The following BRWD3 variants were observed in gnomAD, a reference collection of about 807,000 sequenced individuals.
The protein encoded by BRWD3 is bromodomain and WD repeat-containing protein 3.
A neutral mutation model predicts 149.7 loss-of-function variants in BRWD3; 10 were observed. The ratio of observed to expected loss-of-function variants is 0.07; its 90% CI spans 0.04 to 0.11. The LOEUF (loss-of-function observed/expected upper bound fraction) is 0.11. Among genes scored for constraint, BRWD3 ranks in the 10% least tolerant of loss-of-function variants. BRWD3 has a pLI of 1.00. For synonymous variants in BRWD3, 504 were observed against 456.7 expected (o/e 1.10, Z -1.32); for missense variants, 940 against 1,373.2 (o/e 0.68, Z 4.99).
At chrX:80,714,353 TCCCGAGTA>T (rs2147739941) in intron 20 of BRWD3, among the ~76,000 whole-genome samples, 1 of 105,943 alleles carries the variant, frequency 9.4e-6, no homozygotes, top group South Asian at 4.5e-4. Flanking sequence ...TGCCTCAGCC[TCCCGAGTA>T]GCTGGGATTA....
intron 27 of BRWD3, among the ~76,000 whole-genome samples, chrX:80,694,371 T>C (rs2072651710): frequency 8.9e-6 from 1 of 111,860 alleles, no homozygotes; most frequent in South Asian, 3.8e-4. Flanking sequence ...AAGGGAAATT[T>C]GGGGTTGGAG....
intron 19 of BRWD3, 138 bp from the exon 20 acceptor site, chrX:80,716,388 TTA>T (rs2073074292): frequency 4.0e-6 from 2 of 501,627 alleles, no homozygotes; most frequent in Non-Finnish European, 6.7e-6. Context: ...GTGGCATCAA[TTA>T]CATTCAGAAA....
Position 80,793,610 on chromosome X carries a change from T to C in BRWD3, c.331+12A>G, listed in dbSNP as rs376204666. On this transcript the variant is annotated intron_variant, in intron 5 of 40. Transcript: ENST00000373275. ...CCTCTGATATCACAGTCCTAAATTCTGAAAATCTCACCTTTGGCATCCCGT... is the reference window on the plus strand; with the variant it reads ...CCTCTGATATCACAGTCCTAAATTCCGAAAATCTCACCTTTGGCATCCCGT... 8.3e-7 allele frequency: 1 copy of C among 1,208,329 alleles called. No individual in the cohort carries two copies. The highest frequency in any genetic ancestry group is 1.1e-6 in the Non-Finnish European group (1 of 892,836).
At chrX:80,694,584 G>A (rs1334275568) in intron 27 of BRWD3, among the ~76,000 whole-genome samples, 2 of 111,771 alleles carry the variant, frequency 1.8e-5, no homozygotes, top group African/African-American at 6.5e-5. Context: ...CTGCCCAAGA[G>A]CATGGGAACT....
intron 4 of BRWD3, among the ~76,000 whole-genome samples, chrX:80,800,211 A>G (rs1325315493): frequency 1.9e-5 from 2 of 107,279 alleles, no homozygotes; most frequent in African/African-American, 6.8e-5. Context: ...ACAATTCTGC[A>G]TGGTAACTAG....
intron 24 of BRWD3, among the ~76,000 whole-genome samples, chrX:80,700,298 G>A (rs185422508): frequency 5.6e-5 from 6 of 106,270 alleles, no homozygotes; most frequent in Non-Finnish European, 9.7e-5. Context: ...CCTTCAATCA[G>A]CTTCATAAGT....
chrX:80,766,853 C>T (rs1163459642), intron 6 of BRWD3, among the ~76,000 whole-genome samples: 1 of 112,200 alleles, frequency 8.9e-6, no homozygotes, highest in Non-Finnish European at 1.9e-5. Flanking sequence ...TTTCCCTTTC[C>T]TAGCCAACGG....
chrX:80,748,775 G>A (rs2073627552), intron 6 of BRWD3, among the ~76,000 whole-genome samples: 1 of 110,918 alleles, frequency 9.0e-6, no homozygotes, highest in African/African-American at 3.3e-5. Flanking sequence ...CTTCTGCTAA[G>A]GTTGGGCATA....
chrX:80,678,803 T>G (rs2072404860), intron 40 of BRWD3, among the ~76,000 whole-genome samples: 1 of 111,175 alleles, frequency 9.0e-6, no homozygotes, highest in East Asian at 2.8e-4. Context: ...TAAGTCTGGG[T>G]GTTATGGACT....
intron 28 of BRWD3, among the ~76,000 whole-genome samples, chrX:80,692,662 T>C (rs1202145817): frequency 8.9e-6 from 1 of 112,249 alleles, no homozygotes; most frequent in Non-Finnish European, 1.9e-5. Flanking sequence ...AATTCTTGTC[T>C]AAAGTAGAAA....
intron 6 of BRWD3, among the ~76,000 whole-genome samples, chrX:80,777,823 A>T: frequency 1.8e-5 from 2 of 110,979 alleles, no homozygotes; most frequent in Non-Finnish European, 3.8e-5. Context: ...TTTAGTTTTT[A>T]ATTTTTTGGT....
intron 21 of BRWD3, 70 bp from the exon 22 acceptor site, chrX:80,707,573 C>T: frequency 9.8e-7 from 1 of 1,017,826 alleles, no homozygotes; most frequent in Non-Finnish European, 1.4e-6. Flanking sequence ...TAAAAAACCA[C>T]TACCTGTTTT....
rs6622366 is a variant in BRWD3, at chrX:80,792,453, T to C, written c.332-501A>G. On this transcript the variant is annotated intron_variant, in intron 5 of 40. Transcript: ENST00000373275. ...ATATCAGATGGTAACTGGTTATAAA[T>C]AGCTGTGTTTTTTTCTCTTTCATGT... 8.0e-3 allele frequency among the ~76,000 whole-genome samples: 892 copies of C among 112,166 alleles called. 17 individuals are homozygous for C. Among genetic ancestry groups the C allele is most frequent in the African/African-American group, 0.028 (856 of 30,903 alleles).
chrX:80,706,505 A>C (rs761446602), intron 22 of BRWD3, among the ~76,000 whole-genome samples: 1 of 111,899 alleles, frequency 8.9e-6, no homozygotes, highest in East Asian at 2.8e-4. Flanking sequence ...ACTAAGACAC[A>C]AACATTAGCC....
intron 22 of BRWD3, among the ~76,000 whole-genome samples, chrX:80,706,598 AC>A (rs1488225916): frequency 8.9e-6 from 1 of 112,274 alleles, no homozygotes; most frequent in African/African-American, 3.2e-5. Context: ...GTATTCAGAG[AC>A]AAAAACACAT....
intron 6 of BRWD3, among the ~76,000 whole-genome samples, chrX:80,784,396 T>A (rs1314286267): frequency 8.9e-6 from 1 of 112,115 alleles, no homozygotes; most frequent in Non-Finnish European, 1.9e-5. Context: ...CACTTTTTTT[T>A]ATTTTAAGTT....
Position 80,697,249 on chromosome X carries a change from G to A in BRWD3, c.2944-386C>T, listed in dbSNP as rs762827701. ...AAAAATACAGTATGTAAGCATCCAG[G>A]TATATATGTACGTGTACATGTTTGG... On this transcript the variant is annotated intron_variant, in intron 25 of 40. Transcript: ENST00000373275. 2.0e-4 allele frequency among the ~76,000 whole-genome samples: 22 copies of A among 111,590 alleles called. No individual in the cohort carries two copies. The South Asian group carries it at 7.5e-3, about 38-fold the overall frequency.
intron 6 of BRWD3, among the ~76,000 whole-genome samples, chrX:80,785,176 C>T (rs1379865194): frequency 8.9e-6 from 1 of 112,148 alleles, no homozygotes; most frequent in African/African-American, 3.2e-5. Context: ...ATATTAATTA[C>T]ATATGCCTCA....
chrX:80,720,893 AAC>A (rs1230536660), intron 17 of BRWD3, among the ~76,000 whole-genome samples: 1 of 112,098 alleles, frequency 8.9e-6, no homozygotes, highest in African/African-American at 3.2e-5. Flanking sequence ...TTGTATGTAT[AAC>A]TGTCTATGGT....
Sources: allele counts gnomAD v4.1 joint callset (sites outside exome capture counted in the v4.1 genomes callset), GRCh38; gene constraint gnomAD v4.1.1; transcripts MANE v1.5; gene names NCBI Gene and HGNC (gene_info 2026-07-23, HGNC 2026-07-21).